The following PHKA1 variants were observed in gnomAD, a reference collection of about 807,000 sequenced individuals.
PHKA1 encodes the protein phosphorylase b kinase regulatory subunit alpha, skeletal muscle isoform.
Under a neutral mutation model 110.2 loss-of-function variants are expected in PHKA1, and 60 were observed. That is an observed-to-expected ratio of 0.54 (90% CI 0.44 to 0.68). The LOEUF is 0.68. Ranked by LOEUF, PHKA1 falls within the 30% of genes least tolerant of loss-of-function variation. The probability of loss-of-function intolerance (pLI) is 0.00; values close to 1 mark genes in which losing one functional copy is unlikely to be tolerated. For synonymous variants in PHKA1, 316 were observed against 333.6 expected, an observed-to-expected ratio of 0.95 and a Z score of 0.58; for missense variants, 801 against 942.5, an observed-to-expected ratio of 0.85 and a Z score of 1.97.
chrX:72,651,565 T>A (rs782785334), intron 12 of PHKA1, among the ~76,000 whole-genome samples: 99 of 110,452 alleles, frequency 9.0e-4, no homozygotes, highest in Non-Finnish European at 1.8e-3. Flanking sequence ...AAATAAATTT[T>A]AAAAAAAGAA....
chrX:72,689,855 T>A (rs146859094), intron 4 of PHKA1, among the ~76,000 whole-genome samples: 6 of 111,848 alleles, frequency 5.4e-5, no homozygotes, highest in African/African-American at 1.9e-4. Context: ...GGTTCCAATT[T>A]CTCCACATCC....
intron 4 of PHKA1, among the ~76,000 whole-genome samples, chrX:72,692,882 A>T: frequency 9.6e-6 from 1 of 103,870 alleles, no homozygotes; most frequent in Non-Finnish European, 2.0e-5. Context: ...CTTTGGGTTT[A>T]GTTTGCTTGT....
rs200315805 is a variant in PHKA1, at chrX:72,710,851, TA to T, written c.237+1927del. On this transcript the variant is annotated intron_variant, in intron 2 of 31. Transcript: ENST00000373542. ...TTTTTTATTTTTTTATTTTTTTTTT[TA>T]TTTTTATTTTTATTTTTTATTTTTT... Among the ~76,000 whole-genome samples, 851 of 97,367 alleles carry T rather than the reference TA, an allele frequency of 8.7e-3. 9 individuals are homozygous for T. Among genetic ancestry groups the T allele is most frequent in the African/African-American group, 0.03 (825 of 27,367 alleles). The allele number at this position is 97,367 out of a possible 115,157, so 84.6% of individuals were successfully genotyped here. A position where few individuals can be genotyped will look rare whatever the true frequency, so the allele number is the denominator to read the frequency against.
chrX:72,649,771 A>G (rs2053405212), intron 13 of PHKA1, among the ~76,000 whole-genome samples: 2 of 110,947 alleles, frequency 1.8e-5, no homozygotes, highest in African/African-American at 6.6e-5. Flanking sequence ...AGACAGGCAG[A>G]TCACGAGGTC....
intron 8 of PHKA1, among the ~76,000 whole-genome samples, chrX:72,664,695 T>A (rs1368794321): frequency 2.7e-5 from 3 of 111,706 alleles, no homozygotes; most frequent in Non-Finnish European, 5.7e-5. Flanking sequence ...CAACAAACTT[T>A]AAAAAATTGA....
In PHKA1 at chrX:72,708,489, C is replaced by T. The variant is rs964248056; in HGVS notation, c.238-3244G>A. ...TGTCTATCAATCCAAAATGTTTCGA[C>T]TTTACTTGTGGAGAAATGAGGGCCA... On this transcript the variant is annotated intron_variant, in intron 2 of 31. Coordinates refer to ENST00000373542, the MANE Select transcript of PHKA1 (RefSeq NM_002637.4). Among the ~76,000 whole-genome samples the T allele has an allele frequency of 2.7e-5, 3 of 111,200 alleles. No homozygotes were observed. The East Asian group carries it at 8.4e-4, about 31-fold the overall frequency.
chrX:72,656,372 A>G (rs1182691121), intron 9 of PHKA1, 130 bp from the exon 10 acceptor site: 7 of 644,950 alleles, frequency 1.1e-5, no homozygotes, highest in Non-Finnish European at 1.7e-5. Context: ...GAGCATGTAC[A>G]TACTCCCTTC....
At chrX:72,638,429 T>C (rs1344347769) in intron 14 of PHKA1, among the ~76,000 whole-genome samples, 2 of 110,156 alleles carry the variant, frequency 1.8e-5, no homozygotes, top group Non-Finnish European at 3.8e-5. Context: ...TGTTTTATTT[T>C]TTTCTTTTGT....
At chrX:72,680,857 G>T in intron 5 of PHKA1, among the ~76,000 whole-genome samples, 1 of 76,262 alleles carries the variant, frequency 1.3e-5, no homozygotes, top group Non-Finnish European at 2.4e-5. Flanking sequence ...CTGGAGGAGC[G>T]GACGGGCCCC....
At chrX:72,693,087 G>A (rs1162039356) in intron 4 of PHKA1, among the ~76,000 whole-genome samples, 1 of 110,450 alleles carries the variant, frequency 9.1e-6, no homozygotes, top group Non-Finnish European at 1.9e-5. Context: ...GGTCATTTAG[G>A]TGTGTATTGC....
At position 72,627,048 on chromosome X, in the gene PHKA1, A is replaced by C. The variant is rs1556283401; in HGVS notation, c.1716T>G (p.Asp572Glu). The C allele has an allele frequency of 1.7e-6, 2 of 1,191,297 alleles. No individual in the cohort carries two copies. The highest frequency in any genetic ancestry group is 2.3e-6 in the Non-Finnish European group (2 of 876,859). The stretch of plus-strand genomic sequence containing the variant: ...TTGAATTCAAGCTTGTTCCATCTTC[A>C]TCTTGAAATGAACAGAATTTTAAAA... ...ITFPISHSML[D>E]EDGTSLNSSI... Residue 572 changes from aspartate to glutamate, a missense_variant and splice_region_variant, in exon 17 of 32, where the codon GAT becomes GAG. Physicochemically the swap from Asp to Glu is conservative, Grantham distance 45. Around this residue, in one of 2 missense-constraint regions of PHKA1, gnomAD observed 502 missense variants for 519.2 expected, o/e 0.97. Transcript: ENST00000373542.
chrX:72,678,735 A>T (rs2053808864), intron 5 of PHKA1, among the ~76,000 whole-genome samples: 1 of 112,132 alleles, frequency 8.9e-6, no homozygotes, highest in African/African-American at 3.2e-5. Context: ...ACAACTAAAA[A>T]ACTATTTATA....
intron 26 of PHKA1, 78 bp from the exon 27 acceptor site, chrX:72,602,351 C>T (rs2052669150): frequency 1.7e-6 from 1 of 594,431 alleles, no homozygotes; most frequent in Admixed American, 2.6e-5. Context: ...TTAAAAAAAA[C>T]TTTCATATAT....
At chrX:72,606,069 G>C (rs2052723568) in intron 23 of PHKA1, among the ~76,000 whole-genome samples, 1 of 111,373 alleles carries the variant, frequency 9.0e-6, no homozygotes, top group Non-Finnish European at 1.9e-5. Flanking sequence ...ATCAAGTCAG[G>C]GTATTTACGG....
At chrX:72,677,280 G>A (rs782553913) in intron 5 of PHKA1, among the ~76,000 whole-genome samples, 2 of 112,328 alleles carry the variant, frequency 1.8e-5, no homozygotes, top group East Asian at 2.8e-4. Flanking sequence ...ATGCTGATAC[G>A]TCTTATTACT....
intron 21 of PHKA1, among the ~76,000 whole-genome samples, chrX:72,617,554 C>G (rs1298083233): frequency 9.0e-6 from 1 of 110,677 alleles, no homozygotes; most frequent in Non-Finnish European, 1.9e-5. Context: ...ATAACTGATA[C>G]CACAGAAATT....
chrX:72,586,954 G>C (rs2052441086), intron 29 of PHKA1, among the ~76,000 whole-genome samples: 1 of 111,346 alleles, frequency 9.0e-6, no homozygotes, highest in Non-Finnish European at 1.9e-5. Context: ...ACGTACGTCT[G>C]ATTGGTGTAC....
Position 72,620,756 on chromosome X carries a change from C to A in PHKA1, c.2106G>T (p.Leu702Phe). 1 of 1,210,245 alleles carries A rather than the reference C, an allele frequency of 8.3e-7. No individual in the cohort carries two copies. Among genetic ancestry groups the A allele is most frequent in the Non-Finnish European group, 1.1e-6 (1 of 895,100 alleles). ...AVQTTCDLMS[L>F]VTKAKELHVQ... ...CATGCAGTTCCTTGGCCTTGGTCACCAAGGACATTAAGTCGCAGGTTGTTT... is the reference window on the plus strand; with the variant it reads ...CATGCAGTTCCTTGGCCTTGGTCACAAAGGACATTAAGTCGCAGGTTGTTT... The change falls in exon 19 of 32, where the codon TTG becomes TTT. Residue 702 changes from leucine (L) to phenylalanine (F), a missense_variant. Physicochemically the swap from Leu to Phe is conservative, Grantham distance 22. Coordinates refer to ENST00000373542, the MANE Select transcript of PHKA1 (RefSeq NM_002637.4).
At chrX:72,660,477 A>C (rs2053546591) in intron 8 of PHKA1, 3 of 309,527 alleles carry the variant, frequency 9.7e-6, no homozygotes, top group Admixed American at 9.9e-5. Context: ...GCAGATGGCC[A>C]AAGTGATGAG....
Sources: gnomAD v4.1 joint callset for allele counts (sites outside exome capture counted in the v4.1 genomes callset) on GRCh38, gnomAD v4.1.1 for gene constraint, gnomAD v4.1.1 regional missense constraint, MANE v1.5 for transcripts, NCBI Gene and HGNC (gene_info 2026-07-23, HGNC 2026-07-21) for gene names.